The following DEPDC5 variants were observed in gnomAD, a reference collection of about 807,000 sequenced individuals.
DEPDC5 encodes the protein GATOR1 complex protein DEPDC5.
Under a neutral mutation model 217.3 loss-of-function variants are expected in DEPDC5, and 73 were observed. That is an observed-to-expected ratio of 0.34 (90% confidence interval 0.28 to 0.41). The LOEUF (loss-of-function observed/expected upper bound fraction) is 0.41, where lower values mean the gene tolerates loss of function less well. DEPDC5 is among the 10% of genes least tolerant of loss of function. The pLI is 1.00. For synonymous variants in DEPDC5, 733 were observed against 756.7 expected (o/e 0.97, Z 0.51); for missense variants, 1,675 against 2,070.1 (o/e 0.81, Z 3.70).
intron 22 of DEPDC5, 53 bp from the exon 23 acceptor site, chr22:31,821,449 A>G: frequency 6.2e-7 from 1 of 1,604,254 alleles, no homozygotes; most frequent in Non-Finnish European, 8.5e-7. Flanking sequence ...AGTTAAGTGC[A>G]CAGCACTAGC....
Position 31,818,580 on chromosome 22 carries a change from A to G in DEPDC5, c.1667-442A>G, listed in dbSNP as rs1002997868. Among the ~76,000 whole-genome samples the G allele has an allele frequency of 2.6e-5, 4 of 152,310 alleles. 1 individual carries two copies. The highest frequency in any genetic ancestry group is 3.9e-4 in the East Asian group (2 of 5,180). The stretch of plus-strand genomic sequence containing the variant: ...AGTCTTGTGTCCAGTAGGAAAATCA[A>G]ATGGGTTTATAGTGAAGACATTGAC... On this transcript the variant is annotated intron_variant, in intron 21 of 42. Coordinates refer to ENST00000651528, the MANE Select transcript of DEPDC5 (RefSeq NM_001242896.3).
chr22:31,864,845 C>T (rs567445597), intron 33 of DEPDC5, among the ~76,000 whole-genome samples: 1 of 152,120 alleles, frequency 6.6e-6, no homozygotes. Flanking sequence ...TCTGCCACCA[C>T]AGCCAGATAT....
At position 31,788,443 on chromosome 22, in the gene DEPDC5, T is replaced by G. The variant is rs534063314; in HGVS notation, c.624+3568T>G. ...GCATGTGCCACTATGCCCGGGCAATTTTTTTTTTTTTTTTGGTGGAAACTA... is the reference window on the plus strand; with the variant it reads ...GCATGTGCCACTATGCCCGGGCAATGTTTTTTTTTTTTTTGGTGGAAACTA... On this transcript the variant is annotated intron_variant, in intron 10 of 42. Transcript: ENST00000651528. Among the ~76,000 whole-genome samples, 219 of 145,492 alleles carry G rather than the reference T, an allele frequency of 1.5e-3. 1 individual carries two copies. Among genetic ancestry groups the G allele is most frequent in the African/African-American group, 5.3e-3 (214 of 40,116 alleles).
intron 38 of DEPDC5, among the ~76,000 whole-genome samples, chr22:31,892,171 C>G (rs542920818): frequency 3.9e-5 from 6 of 152,268 alleles, no homozygotes; most frequent in African/African-American, 9.6e-5. Flanking sequence ...ATAAAAAGAT[C>G]TGGGGTTTAG....
chr22:31,879,693 G>A lies in DEPDC5; in HGVS notation c.3974G>A (p.Ser1325Asn). ...CCTAGCCGGCCAGCCTCCTATGCAA[G>A]TAGGCACAGCTCCTTTAGCCGAAGT... Reference protein sequence around the residue: ...WLPSRPASYASRHSSFSRSFG... With the variant: ...WLPSRPASYANRHSSFSRSFG... Residue 1325 changes from serine (S) to asparagine (N), a missense_variant, in exon 38 of 43, where the codon AGT (serine) becomes AAT (asparagine). By Grantham distance (46) the Ser-to-Asn change is conservative. Around this residue, in one of 11 missense-constraint regions of DEPDC5, gnomAD observed 182 missense variants for 290.1 expected, o/e 0.63. Transcript: ENST00000651528. 6.2e-7 allele frequency: 1 copy of A among 1,614,148 alleles called. No homozygotes were observed. The highest frequency in any genetic ancestry group is 1.1e-5 in the South Asian group (1 of 91,088).
chr22:31,781,628 C>A (rs1290735389), intron 8 of DEPDC5, among the ~76,000 whole-genome samples: 1 of 151,924 alleles, frequency 6.6e-6, no homozygotes, highest in Non-Finnish European at 1.5e-5. Flanking sequence ...TGGGGTTTCA[C>A]CATGTTGCCC....
intron 33 of DEPDC5, among the ~76,000 whole-genome samples, chr22:31,870,300 G>A (rs927845388): frequency 1.3e-5 from 2 of 152,068 alleles, no homozygotes; most frequent in Admixed American, 1.3e-4. Context: ...TTTGGTCCTG[G>A]GGATTTACTG....
In DEPDC5 at chr22:31,798,474, T is replaced by C. The variant is rs959364745; in HGVS notation, c.872-108T>C. The C allele has an allele frequency of 1.7e-5, 15 of 880,020 alleles. No homozygotes were observed. The East Asian group carries it at 5.2e-4, about 31-fold the overall frequency. The allele number at this position is 880,020 out of a possible 1,614,324, so 54.5% of individuals were successfully genotyped here. Reference sequence around the variant, plus strand: ...TGGAGGTTGCAGTGAGCCAAGATTGTGCTGCTCCACTCCAGCCTGGGTGAC... The same window carrying C: ...TGGAGGTTGCAGTGAGCCAAGATTGCGCTGCTCCACTCCAGCCTGGGTGAC... On this transcript the variant is annotated intron_variant, in intron 13 of 42. Coordinates refer to ENST00000651528, the MANE Select transcript of DEPDC5 (RefSeq NM_001242896.3).
At chr22:31,814,563 A>G in intron 20 of DEPDC5, 1 of 187,494 alleles carries the variant, frequency 5.3e-6, no homozygotes, top group Non-Finnish European at 1.1e-5. Context: ...TCTATTCTGC[A>G]GATTCCCTGT....
At chr22:31,868,921 C>G (rs576377666) in intron 33 of DEPDC5, among the ~76,000 whole-genome samples, 1 of 152,160 alleles carries the variant, frequency 6.6e-6, no homozygotes, top group South Asian at 2.1e-4. Flanking sequence ...GCTGGGCTTC[C>G]GGGTGAACAG....
chr22:31,762,168 A>G (rs1369780221), intron 4 of DEPDC5, among the ~76,000 whole-genome samples: 3 of 151,992 alleles, frequency 2.0e-5, no homozygotes, highest in Admixed American at 6.6e-5. Context: ...GGAGGAAGAA[A>G]TATATATTGA....
chr22:31,809,421 A>G (rs140312387), intron 18 of DEPDC5, among the ~76,000 whole-genome samples, 190 bp from the exon 19 acceptor site: 1 of 152,330 alleles, frequency 6.6e-6, no homozygotes, highest in Non-Finnish European at 1.5e-5. Flanking sequence ...CCCAGTGGAC[A>G]GGTTTGTGAG....
intron 33 of DEPDC5, among the ~76,000 whole-genome samples, chr22:31,868,378 C>T (rs1207403182): frequency 6.6e-6 from 1 of 151,984 alleles, no homozygotes; most frequent in Non-Finnish European, 1.5e-5. Flanking sequence ...TATCTGACCC[C>T]AGAGGGCAAT....
chr22:31,870,803 A>C, intron 34 of DEPDC5, 59 bp downstream of exon 34: 4 of 1,427,926 alleles, frequency 2.8e-6, no homozygotes, highest in Non-Finnish European at 3.7e-6. Context: ...CTGATCTCAA[A>C]GGCTGCAGAG....
At chr22:31,843,296 A>G in intron 28 of DEPDC5, 84 bp downstream of exon 28, 2 of 1,354,704 alleles carry the variant, frequency 1.5e-6, no homozygotes, top group South Asian at 1.4e-5. Context: ...ACATCATTCA[A>G]ACTGAGGAAG....
Position 31,798,568 on chromosome 22 carries a change from A to G in DEPDC5, c.872-14A>G, listed in dbSNP as rs779818973. ...CATGAGATGTTTTTCTTTCTCTTGC[A>G]TATTTTGCTTCAGAGGGCTTTCCTC... On this transcript the variant is annotated splice_polypyrimidine_tract_variant and intron_variant, in intron 13 of 42. Coordinates refer to ENST00000651528, the MANE Select transcript of DEPDC5 (RefSeq NM_001242896.3). The G allele has an allele frequency of 3.9e-5, 62 of 1,604,670 alleles. No individual in the cohort carries two copies. The Middle Eastern group carries it at 5.0e-4, about 13-fold the overall frequency.
rs1219014589 is a variant in DEPDC5, at chr22:31,838,717, A to G, written c.2387A>G (p.Gln796Arg). 1.2e-6 allele frequency: 2 copies of G among 1,614,074 alleles called. No individual in the cohort carries two copies. Among genetic ancestry groups the G allele is most frequent in the Non-Finnish European group, 1.7e-6 (2 of 1,180,034 alleles). ...RDEDGVQMTA[Q>R]QVFEEFICQR... is the part of the protein sequence containing the mutation. ...GAAGATGGTGTGCAGATGACAGCCC[A>G]GCAGGTATTTGAAGAGTTTATTTGC... Residue 796 changes from glutamine to arginine, a missense_variant, in exon 27 of 43, where the codon CAG (glutamine) becomes CGG (arginine). By Grantham distance (43) the Gln-to-Arg change is conservative. Transcript: ENST00000651528.
In DEPDC5 at chr22:31,876,272, G is replaced by T. The variant is rs1223054638; in HGVS notation, c.3805+7G>T. ...GACAAAGAGCCCGACCGAGGTTAGA[G>T]CCGAGGCGAATGCGGTTGCCCACAG... On this transcript the variant is annotated splice_region_variant and intron_variant, in intron 37 of 42. Coordinates refer to ENST00000651528, the MANE Select transcript of DEPDC5 (RefSeq NM_001242896.3). 6.2e-7 allele frequency: 1 copy of T among 1,612,158 alleles called. No individual in the cohort carries two copies. Among genetic ancestry groups the T allele is most frequent in the African/African-American group, 1.3e-5 (1 of 74,866 alleles).
intron 36 of DEPDC5, 165 bp from the exon 37 acceptor site, chr22:31,875,992 C>T: frequency 1.7e-6 from 1 of 581,074 alleles, no homozygotes; most frequent in Non-Finnish European, 3.0e-6. Flanking sequence ...TACGAGTTTA[C>T]ATTTTAAAAT....
Sources: gnomAD v4.1 joint callset for allele counts (sites outside exome capture counted in the v4.1 genomes callset) on GRCh38, gnomAD v4.1.1 for gene constraint, gnomAD v4.1.1 regional missense constraint, MANE v1.5 for transcripts, NCBI Gene and HGNC (gene_info 2026-07-23, HGNC 2026-07-21) for gene names.